ZNF554: variants seen among roughly 807,000 people sequenced by gnomAD.
ZNF554 encodes zinc finger protein 554.
ZNF554 carries 15 observed loss-of-function variants against 21.2 expected under a neutral mutation model. The observed-to-expected ratio is 0.71, with a 90% confidence interval of 0.47 to 1.09. ZNF554 has a LOEUF of 1.09. Among genes scored for constraint, ZNF554 ranks in the 50% least tolerant of loss-of-function variants. The pLI is 0.00. For missense variants in ZNF554, 691 were observed against 662.7 expected, an observed-to-expected ratio of 1.04 and a Z score of -0.47; for synonymous variants, 258 against 251.4, an observed-to-expected ratio of 1.03 and a Z score of -0.25.
chr19:2,820,683 C>CTTTTTTTT (rs1568330714), intron 1 of ZNF554, among the ~76,000 whole-genome samples: 31 of 81,858 alleles, frequency 3.8e-4, no homozygotes, highest in African/African-American at 1.9e-3. Context: ...CAGCAAGGGT[C>CTTTTTTTT]CTTTTTTTTT....
In ZNF554 at chr19:2,827,722, T is replaced by C; in HGVS notation, c.232T>C (p.Tyr78His). The part of the protein sequence containing the change: ...NLYREVMLEN[Y>H]RNVVSLEALK... ...GTACAGAGAGGTGATGCTGGAGAAC[T>C]ACAGGAACGTGGTCTCCCTGGGTAA... Residue 78 changes from tyrosine to histidine, a missense_variant, in exon 3 of 5, where the codon TAC becomes CAC. Transcript: ENST00000317243. 1.9e-6 allele frequency: 3 copies of C among 1,613,922 alleles called. No individual in the cohort carries two copies. Among genetic ancestry groups the C allele is most frequent in the Non-Finnish European group, 2.5e-6 (3 of 1,179,914 alleles).
At position 2,825,023 on chromosome 19, in the gene ZNF554, T is replaced by G. The variant is rs28521995; in HGVS notation, c.126+1911T>G. 2.3e-3 allele frequency among the ~76,000 whole-genome samples: 350 copies of G among 149,656 alleles called. 3 individuals carry two copies. Among genetic ancestry groups the G allele is most frequent in the African/African-American group, 6.9e-3 (281 of 40,648 alleles). On this transcript the variant is annotated intron_variant, in intron 2 of 4. Transcript: ENST00000317243. ...CAGTTGTTTTTTTTTTTTTTTTTTTTTTTTTTTGAGACAAGGTCTTGCTCT... is the reference window on the plus strand; with the variant it reads ...CAGTTGTTTTTTTTTTTTTTTTTTTGTTTTTTTGAGACAAGGTCTTGCTCT...
At chr19:2,827,776 T>C (rs777817738) in intron 3 of ZNF554, 33 bp downstream of exon 3, 1 of 1,613,044 alleles carries the variant, frequency 6.2e-7, no homozygotes, top group Admixed American at 1.7e-5. Context: ...CTGTGTTCAT[T>C]GATTCACATT....
In ZNF554 at chr19:2,820,060, G is replaced by A; in HGVS notation, c.-12G>A. 2 of 1,207,816 alleles carry A rather than the reference G, an allele frequency of 1.7e-6. No individual in the cohort carries two copies. The allele number at this position is 1,207,816 out of a possible 1,614,324, so 74.8% of individuals were successfully genotyped here. ...CTCGGGGGCCCTGTCTGGCGCCTCA[G>A]CGCGCGCCCCGATGGTCACCTGCGC... On this transcript the variant is annotated 5_prime_UTR_variant, in exon 1 of 5. Transcript: ENST00000317243.
At chr19:2,822,993 G>C in intron 1 of ZNF554, 47 bp from the exon 2 acceptor site, 1 of 1,588,244 alleles carries the variant, frequency 6.3e-7, no homozygotes, top group South Asian at 1.1e-5. Flanking sequence ...TGGGATCTGG[G>C]GACTGGCCTG....
rs1268781970 is a variant in ZNF554, at chr19:2,821,340, C to T, written c.53+1216C>T. On this transcript the variant is annotated intron_variant, in intron 1 of 4. Transcript: ENST00000317243. The surrounding 1 kb of genome is among the most constrained non-coding windows in gnomAD (Gnocchi z 8.2). ...TCCTGACCTCAGGTGATCCACCTACCTCGGCCTCCCAAAGTGACCACTGCG... is the reference window on the plus strand; with the variant it reads ...TCCTGACCTCAGGTGATCCACCTACTTCGGCCTCCCAAAGTGACCACTGCG... Among the ~76,000 whole-genome samples, 1 of 151,924 alleles carries T rather than the reference C, an allele frequency of 6.6e-6. No individual in the cohort carries two copies. The highest frequency in any genetic ancestry group is 1.5e-5 in the Non-Finnish European group (1 of 68,026).
At chr19:2,833,437 C>T (rs753447340) in intron 4 of ZNF554, among the ~76,000 whole-genome samples, 21 of 152,300 alleles carry the variant, frequency 1.4e-4, no homozygotes, top group Non-Finnish European at 2.9e-4. Flanking sequence ...AGAGTAATTT[C>T]TTTCTGCATT....
At position 2,834,962 on chromosome 19, in the gene ZNF554, T is replaced by G; in HGVS notation, c.*110T>G. 1.0e-6 allele frequency: 1 copy of G among 975,584 alleles called. No homozygotes were observed. The highest frequency in any genetic ancestry group is 1.5e-6 in the Non-Finnish European group (1 of 668,746). The allele number at this position is 975,584 out of a possible 1,614,324, so 60.4% of individuals were successfully genotyped here. A position where few individuals can be genotyped will look rare whatever the true frequency, so the allele number is the denominator to read the frequency against. ...TGAAAAGAAGTGGGTTTATGTCACC[T>G]TCTCACCTTCTTATAAGAAAGCTCT... On this transcript the variant is annotated 3_prime_UTR_variant, in exon 5 of 5. Transcript: ENST00000317243.
Position 2,834,375 on chromosome 19 carries a change from C to T in ZNF554, c.1140C>T (p.Tyr380=), listed in dbSNP as rs17605476. ...HLRTHTGEKP[Y]GCGECGKAFN... ...GAACTCATACTGGAGAGAAGCCCTA[C>T]GGGTGCGGTGAGTGCGGGAAAGCCT... The change falls in exon 5 of 5, where the codon TAC becomes TAT. Residue 380 remains tyrosine (Y), a synonymous_variant. Transcript: ENST00000317243. 154,197 of 1,613,914 alleles carry T rather than the reference C, an allele frequency of 0.096. 8,521 individuals carry two copies. The highest frequency in any genetic ancestry group is 0.11 in the Non-Finnish European group (133,939 of 1,179,978).
At chr19:2,820,684 C>CTTTTTTTTTTTTTTTTTTTTTTTTTTTG (rs762586098) in intron 1 of ZNF554, among the ~76,000 whole-genome samples, 1 of 103,192 alleles carries the variant, frequency 9.7e-6, no homozygotes, top group Admixed American at 1.0e-4. Context: ...AGCAAGGGTC[C>CTTTTTTTTTTTTTTTTTTTTTTTTTTTG]TTTTTTTTTT....
chr19:2,822,956 A>C (rs1350354141), intron 1 of ZNF554, 84 bp from the exon 2 acceptor site: 1 of 1,458,194 alleles, frequency 6.9e-7, no homozygotes, highest in East Asian at 2.3e-5. Flanking sequence ...CCTTCAAGCA[A>C]ATGGAGGTTC....
In ZNF554 at chr19:2,834,898, T is replaced by C. The variant is rs1414666421; in HGVS notation, c.*46T>C. ...AGCCACTTTTTAGTACTCTGACACA[T>C]ACATGTGGTTATCTTTTGCCCTGTT... On this transcript the variant is annotated 3_prime_UTR_variant, in exon 5 of 5. Transcript: ENST00000317243. 3 of 1,483,406 alleles carry C rather than the reference T, an allele frequency of 2.0e-6. No individual in the cohort carries two copies. Among genetic ancestry groups the C allele is most frequent in the African/African-American group, 1.4e-5 (1 of 71,372 alleles). The allele number at this position is 1,483,406 out of a possible 1,614,324, so 91.9% of individuals were successfully genotyped here.
intron 2 of ZNF554, 120 bp downstream of exon 2, chr19:2,823,232 A>G (rs2087286244): frequency 2.0e-6 from 2 of 998,990 alleles, no homozygotes; most frequent in African/African-American, 3.2e-5. Context: ...AGAATTCCCC[A>G]GGAGTGGTGT....
intron 1 of ZNF554, among the ~76,000 whole-genome samples, chr19:2,822,074 A>G (rs112320936): frequency 0.017 from 2,494 of 150,604 alleles, 66 homozygotes; most frequent in African/African-American, 0.059. Context: ...TTTTTGAGAT[A>G]GAGTCTTGCT....
Position 2,836,734 on chromosome 19 carries a change from A to T in ZNF554, c.*1882A>T, listed in dbSNP as rs1286532130. On this transcript the variant is annotated 3_prime_UTR_variant, in exon 5 of 5. Coordinates refer to ENST00000317243, the MANE Select transcript of ZNF554 (RefSeq NM_001102651.2). ...TGAAGGATACGGAACCTCATTGATG[A>T]GTCAGGATAGACTGTGGGTACCTAG... Among the ~76,000 whole-genome samples the T allele has an allele frequency of 1.3e-5, 2 of 152,208 alleles. No individual in the cohort carries two copies. Among genetic ancestry groups the T allele is most frequent in the Non-Finnish European group, 2.9e-5 (2 of 68,034 alleles).
chr19:2,834,757 G>A lies in ZNF554; in HGVS notation c.1522G>A (p.Val508Ile), dbSNP rs748003780. Residue 508 changes from valine (V) to isoleucine (I), a missense_variant, in exon 5 of 5, where the codon GTC (valine) becomes ATC (isoleucine). By Grantham distance (29) the Val-to-Ile change is conservative. Coordinates refer to ENST00000317243, the MANE Select transcript of ZNF554 (RefSeq NM_001102651.2). ...GKAFSQSSSLVTHQKTHSSQK... is the reference protein window; with the variant it reads ...GKAFSQSSSLITHQKTHSSQK... ...AGCCTTCAGCCAGAGCTCATCCCTT[G>A]TCACACATCAGAAAACTCACAGCAG... 4 of 1,613,692 alleles carry A rather than the reference G, an allele frequency of 2.5e-6. No individual in the cohort carries two copies. The highest frequency in any genetic ancestry group is 3.4e-6 in the Non-Finnish European group (4 of 1,179,804).
chr19:2,828,503 CTG>C (rs1476612270), intron 3 of ZNF554, among the ~76,000 whole-genome samples: 2 of 151,940 alleles, frequency 1.3e-5, no homozygotes, highest in South Asian at 2.1e-4. Flanking sequence ...AGCCTGGCCA[CTG>C]TGGTGAAACC....
intron 3 of ZNF554, chr19:2,831,870 T>A (rs2087424852): frequency 6.5e-6 from 1 of 153,526 alleles, no homozygotes; most frequent in South Asian, 2.0e-4. Context: ...CACCTGCCTC[T>A]GGGCCTCCCA....
Position 2,820,695 on chromosome 19 carries a change from T to A in ZNF554, c.53+571T>A, listed in dbSNP as rs551326443. 3.4e-5 allele frequency among the ~76,000 whole-genome samples: 5 copies of A among 147,910 alleles called. No homozygotes were observed. In the South Asian group the frequency reaches 1.1e-3, roughly 32 times the overall value. ...AGACAGCAAGGGTCCTTTTTTTTTT[T>A]TTTTTGAGACGGAGTCTGGAGTGCA... On this transcript the variant is annotated intron_variant, in intron 1 of 4. Transcript: ENST00000317243.
Sources: allele counts gnomAD v4.1 joint callset (sites outside exome capture counted in the v4.1 genomes callset), GRCh38; gene constraint gnomAD v4.1.1; non-coding constraint Gnocchi (gnomAD v3.1); transcripts MANE v1.5; gene names NCBI Gene and HGNC (gene_info 2026-07-23, HGNC 2026-07-21).